Variants in TMEM182 observed in about 807,000 individuals in gnomAD.
TMEM182 encodes the protein transmembrane protein 182.
Under a neutral mutation model 26.8 loss-of-function variants are expected in TMEM182, and 20 were observed. That is an observed-to-expected ratio of 0.75 (90% confidence interval 0.53 to 1.09). The LOEUF (loss-of-function observed/expected upper bound fraction) is 1.09, where lower values mean the gene tolerates loss of function less well. Among genes scored for constraint, TMEM182 ranks in the 50% least tolerant of loss-of-function variants. The pLI is 0.00. For missense variants in TMEM182, 277 were observed against 275.5 expected, an observed-to-expected ratio of 1.01 and a Z score of -0.04; for synonymous variants, 109 against 102.2, an observed-to-expected ratio of 1.07 and a Z score of -0.40.
intron 3 of TMEM182, among the ~76,000 whole-genome samples, chr2:102,788,367 G>A (rs185977631): frequency 1.5e-3 from 232 of 152,260 alleles, no homozygotes; most frequent in African/African-American, 5.2e-3. Context: ...AGGGAGACGC[G>A]GGCAGGGGAG....
At chr2:102,795,271 G>A (rs1188218109) in intron 3 of TMEM182, among the ~76,000 whole-genome samples, 1 of 151,982 alleles carries the variant, frequency 6.6e-6, no homozygotes, top group East Asian at 1.9e-4. Flanking sequence ...TCTTTGGTTT[G>A]GCTGTCTCTT....
chr2:102,814,412 GA>G lies in TMEM182; in HGVS notation c.470-326del, dbSNP rs778400271. On this transcript the variant is annotated intron_variant, in intron 4 of 4. Coordinates refer to ENST00000412401, the MANE Select transcript of TMEM182 (RefSeq NM_144632.5). ...CCCAAACCATTTGTGCAGTAAAAAA[GA>G]AAAAAAAAAGTTAGAATATAAATTC... Among the ~76,000 whole-genome samples, 291 of 145,990 alleles carry G rather than the reference GA, an allele frequency of 2.0e-3. 2 individuals carry two copies. The highest frequency in any genetic ancestry group is 6.2e-3 in the African/African-American group (248 of 39,788).
intron 3 of TMEM182, among the ~76,000 whole-genome samples, chr2:102,832,648 CT>C (rs1231014109): frequency 1.3e-5 from 2 of 152,300 alleles, no homozygotes; most frequent in East Asian, 3.9e-4. Flanking sequence ...GGAGACAACT[CT>C]TGCATAACAA....
At chr2:102,811,869 A>G (rs1682566266) in intron 4 of TMEM182, among the ~76,000 whole-genome samples, 1 of 152,184 alleles carries the variant, frequency 6.6e-6, no homozygotes, top group Non-Finnish European at 1.5e-5. Flanking sequence ...CCTGGATTCA[A>G]CAATTTCTTT....
intron 4 of TMEM182, among the ~76,000 whole-genome samples, chr2:102,806,434 C>T (rs1379415276): frequency 6.6e-6 from 1 of 152,188 alleles, no homozygotes; most frequent in African/African-American, 2.4e-5. Context: ...TGTGGGGTGA[C>T]TGGTGCCACC....
At chr2:102,789,884 A>G (rs1186626570) in intron 3 of TMEM182, among the ~76,000 whole-genome samples, 3 of 151,908 alleles carry the variant, frequency 2.0e-5, no homozygotes, top group Non-Finnish European at 2.9e-5. Flanking sequence ...CTTACCCCAC[A>G]TTCCATGGAA....
At chr2:102,818,465 G>A (rs994437097), downstream of TMEM182, among the ~76,000 whole-genome samples, 3 of 152,148 alleles carry the variant, frequency 2.0e-5, no homozygotes, top group African/African-American at 7.2e-5. Context: ...TAGACTTTCT[G>A]AACTAACTCC....
At chr2:102,767,963 TC>T (rs1474983428) in intron 3 of TMEM182, among the ~76,000 whole-genome samples, 3 of 152,052 alleles carry the variant, frequency 2.0e-5, no homozygotes, top group African/African-American at 4.8e-5. Flanking sequence ...CAAATGCTGT[TC>T]CTCTCTTCCT....
At chr2:102,768,133 CATAGCA>C (rs1680526649) in intron 3 of TMEM182, among the ~76,000 whole-genome samples, 1 of 152,184 alleles carries the variant, frequency 6.6e-6, no homozygotes, top group African/African-American at 2.4e-5. Context: ...TTTGATAATT[CATAGCA>C]CAGTTTTAAA....
chr2:102,787,245 A>G (rs567908029), intron 3 of TMEM182, among the ~76,000 whole-genome samples: 1 of 152,324 alleles, frequency 6.6e-6, no homozygotes, highest in Admixed American at 6.5e-5. Context: ...CGGCTTAAAC[A>G]AGACATTTAT....
intron 1 of TMEM182, among the ~76,000 whole-genome samples, chr2:102,755,035 A>T (rs115829492): frequency 0.023 from 3,447 of 152,312 alleles, 58 homozygotes; most frequent in Non-Finnish European, 0.036. Context: ...ATTGCTTTTT[A>T]ATTTTGTAAT....
At chr2:102,763,783 A>G (rs999517955) in intron 2 of TMEM182, among the ~76,000 whole-genome samples, 7 of 152,252 alleles carry the variant, frequency 4.6e-5, no homozygotes, top group South Asian at 2.1e-4. Flanking sequence ...AAGTGTACAT[A>G]TAAAAATTTT....
intron 3 of TMEM182, among the ~76,000 whole-genome samples, chr2:102,835,508 G>A (rs778459595): frequency 6.6e-6 from 1 of 151,956 alleles, no homozygotes; most frequent in Non-Finnish European, 1.5e-5. Context: ...TACTCTTGGT[G>A]CTGTACAGTC....
At position 102,797,921 on chromosome 2, in the gene TMEM182, A is replaced by G. The variant is rs764707183; in HGVS notation, c.390A>G (p.Ala130=). The G allele has an allele frequency of 5.0e-6, 8 of 1,613,934 alleles. No individual in the cohort carries two copies. Among genetic ancestry groups the G allele is most frequent in the Middle Eastern group, 1.7e-4 (1 of 6,058 alleles). Residue 130 remains alanine (A), a synonymous_variant, in exon 4 of 5, where the codon GCA becomes GCG. Coordinates refer to ENST00000412401, the MANE Select transcript of TMEM182 (RefSeq NM_144632.5). ...TGGGGGTAGTTGCTGTAGTCATCGC[A>G]AGCTTTTTGATCATCTGTGCAGCCC... ...MLLGVVAVVI[A]SFLIICAAPF... is the part of the protein sequence containing the mutation.
intron 4 of TMEM182, among the ~76,000 whole-genome samples, chr2:102,806,273 A>G (rs1324584830): frequency 6.6e-6 from 1 of 152,160 alleles, no homozygotes; most frequent in Non-Finnish European, 1.5e-5. Context: ...TCTGTCCTGA[A>G]AAGAATTTTT....
In TMEM182 at chr2:102,815,520, G is replaced by T. The variant is rs1682712379; in HGVS notation, c.*552G>T. The T allele has an allele frequency of 2.0e-6, 2 of 985,624 alleles. No homozygotes were observed. The highest frequency in any genetic ancestry group is 2.4e-6 in the Non-Finnish European group (2 of 830,198). 61.1% of individuals were successfully genotyped at this position (985,624 alleles called of 1,614,324 possible). On this transcript the variant is annotated 3_prime_UTR_variant, in exon 5 of 5. Coordinates refer to ENST00000412401, the MANE Select transcript of TMEM182 (RefSeq NM_144632.5). The stretch of plus-strand genomic sequence containing the variant: ...GCCATGTACTCACCAGTTAAAATGG[G>T]CCACAACAAACAAGACTGAGAGCAT...
intron 3 of TMEM182, among the ~76,000 whole-genome samples, chr2:102,838,564 A>G (rs1683291132): frequency 6.6e-6 from 1 of 152,212 alleles, no homozygotes; most frequent in South Asian, 2.1e-4. Flanking sequence ...CGCAGTGTGC[A>G]TTGGCTATTT....
intron 2 of TMEM182, among the ~76,000 whole-genome samples, 169 bp downstream of exon 2, chr2:102,762,855 G>A (rs1054337572): frequency 3.3e-5 from 5 of 152,156 alleles, no homozygotes; most frequent in Non-Finnish European, 7.4e-5. Context: ...AGTAGACATG[G>A]CTATAGGAAT....
intron 3 of TMEM182, among the ~76,000 whole-genome samples, chr2:102,823,100 G>A (rs113439318): frequency 0.01 from 1,540 of 152,266 alleles, 28 homozygotes; most frequent in African/African-American, 0.035. Flanking sequence ...AACACTGTGA[G>A]CAGTAATAGA....
Sources: allele counts gnomAD v4.1 joint callset (sites outside exome capture counted in the v4.1 genomes callset), GRCh38; gene constraint gnomAD v4.1.1; transcripts MANE v1.5; gene names NCBI Gene and HGNC (gene_info 2026-07-23, HGNC 2026-07-21).